The following EYS variants were observed in gnomAD, a reference collection of about 807,000 sequenced individuals.
The protein encoded by EYS is EGF-like photoreceptor maintenance factor.
Under a neutral mutation model 282.1 loss-of-function variants are expected in EYS, and 250 were observed. That is an observed-to-expected ratio of 0.89 (90% confidence interval 0.80 to 0.98). The LOEUF (loss-of-function observed/expected upper bound fraction) is 0.98, where lower values mean the gene tolerates loss of function less well. EYS is among the 50% of genes least tolerant of loss of function. The pLI is 0.00. For synonymous variants in EYS, 1,355 were observed against 1,282.9 expected (o/e 1.06, Z -1.20); for missense variants, 4,016 against 3,709.0 (o/e 1.08, Z -2.15).
At chr6:65,544,243 T>G (rs1397529319) in intron 2 of EYS, among the ~76,000 whole-genome samples, 1 of 152,182 alleles carries the variant, frequency 6.6e-6, no homozygotes, top group East Asian at 1.9e-4. Flanking sequence ...ACACGTGAAG[T>G]TCTTATTGAA....
rs114855364 is a variant in EYS at position 64,433,657 on chromosome 6, T to C, written c.5927+2517A>G. ...GTAAATTGAAACAAAATTATAGTCA[T>C]ATAACTTAAAAGAAAGTGATTTTTT... On this transcript the variant is annotated intron_variant, in intron 28 of 42. Transcript: ENST00000503581. 4.9e-3 allele frequency among the ~76,000 whole-genome samples: 751 copies of C among 152,162 alleles called. 5 individuals are homozygous for C. Among genetic ancestry groups the C allele is most frequent in the African/African-American group, 0.017 (697 of 41,542 alleles).
intron 10 of EYS, among the ~76,000 whole-genome samples, chr6:65,337,579 T>C (rs1048204595): frequency 2.0e-5 from 3 of 151,176 alleles, no homozygotes; most frequent in Admixed American, 1.3e-4. Context: ...ATATTGAACA[T>C]AACTTACTGT....
intron 12 of EYS, among the ~76,000 whole-genome samples, chr6:65,115,186 G>A (rs1775330267): frequency 6.6e-6 from 1 of 151,866 alleles, no homozygotes. Context: ...CATGAAATGT[G>A]GCTGAAAAGC....
At chr6:64,732,273 A>G (rs895998163) in intron 22 of EYS, among the ~76,000 whole-genome samples, 1 of 151,714 alleles carries the variant, frequency 6.6e-6, no homozygotes, top group East Asian at 1.9e-4. Flanking sequence ...ACAAACCTGC[A>G]TGTTCTGCAC....
At chr6:65,406,146 T>A (rs1183760387) in intron 5 of EYS, among the ~76,000 whole-genome samples, 1 of 152,120 alleles carries the variant, frequency 6.6e-6, no homozygotes, top group African/African-American at 2.4e-5. Context: ...CACTGAGGCT[T>A]AAATTTTCAT....
intron 28 of EYS, among the ~76,000 whole-genome samples, chr6:64,428,902 G>T (rs1750063663): frequency 6.6e-6 from 1 of 152,070 alleles, no homozygotes; most frequent in Non-Finnish European, 1.5e-5. Flanking sequence ...TAGCTTCCCA[G>T]TAATTCCACA....
At chr6:63,864,135 T>A in intron 36 of EYS, 51 bp downstream of exon 36, 1 of 1,400,862 alleles carries the variant, frequency 7.1e-7, no homozygotes, top group Non-Finnish European at 9.4e-7. Flanking sequence ...ATTTCTATCC[T>A]CTTCACCTCT....
At chr6:64,510,378 TG>T (rs538447452) in intron 26 of EYS, among the ~76,000 whole-genome samples, 19 of 152,136 alleles carry the variant, frequency 1.2e-4, no homozygotes, top group South Asian at 4.1e-4. Context: ...TATCGCACAT[TG>T]TTTTTTTAAT....
At chr6:65,273,143 A>T (rs911740164) in intron 12 of EYS, among the ~76,000 whole-genome samples, 2 of 152,178 alleles carry the variant, frequency 1.3e-5, no homozygotes, top group African/African-American at 4.8e-5. Context: ...GCTACTCCTA[A>T]TGGCACATAA....
intron 30 of EYS, among the ~76,000 whole-genome samples, chr6:64,280,724 T>G (rs1768276777): frequency 6.6e-6 from 1 of 152,102 alleles, no homozygotes. Context: ...TCTAATCAAA[T>G]AAAACAGCTA....
At chr6:64,312,732 G>A (rs763625018) in intron 29 of EYS, among the ~76,000 whole-genome samples, 9 of 152,170 alleles carry the variant, frequency 5.9e-5, no homozygotes, top group South Asian at 4.1e-4. Flanking sequence ...GTGATACCAA[G>A]GAAAACAGGA....
chr6:65,627,034 T>TC (rs1766726928), intron 2 of EYS, among the ~76,000 whole-genome samples: 2 of 152,242 alleles, frequency 1.3e-5, no homozygotes, highest in Admixed American at 1.3e-4. Flanking sequence ...TTTCTCTTTC[T>TC]TTCTCTCTTT....
At chr6:64,925,359 G>A (rs1022236775) in intron 15 of EYS, among the ~76,000 whole-genome samples, 5 of 152,126 alleles carry the variant, frequency 3.3e-5, no homozygotes, top group African/African-American at 1.2e-4. Flanking sequence ...AGATTTGGAT[G>A]GGGCACAACC....
intron 15 of EYS, among the ~76,000 whole-genome samples, chr6:64,942,827 C>CAAAAAAAAAAAAAAAAAAAAAAAAAAAAA (rs34826658): frequency 1.1e-5 from 1 of 94,306 alleles, no homozygotes; most frequent in African/African-American, 3.4e-5. Context: ...GTAACTCTTC[C>CAAAAAAAAAAAAAAAAAAAAAAAAAAAAA]AAAAAAAAAA....
chr6:64,416,455 T>C (rs1774059902), intron 28 of EYS, among the ~76,000 whole-genome samples: 1 of 152,028 alleles, frequency 6.6e-6, no homozygotes, highest in Admixed American at 6.6e-5. Flanking sequence ...AATTATTCCA[T>C]ATTTTAGTGT....
At chr6:63,755,276 C>T (rs533936538) in intron 41 of EYS, among the ~76,000 whole-genome samples, 1 of 151,172 alleles carries the variant, frequency 6.6e-6, no homozygotes, top group South Asian at 2.1e-4. Flanking sequence ...ATGCCTATAT[C>T]CTGTTTAATC....
chr6:64,260,927 G>A (rs1922979), intron 30 of EYS, among the ~76,000 whole-genome samples: 105,556 of 151,552 alleles, frequency 0.7, 36,786 homozygotes, highest in African/African-American at 0.72. Flanking sequence ...ATATATTTAT[G>A]GGGTACATGT....
chr6:65,325,303 C>A (rs1769588699), intron 11 of EYS, among the ~76,000 whole-genome samples: 1 of 152,090 alleles, frequency 6.6e-6, no homozygotes, highest in Non-Finnish European at 1.5e-5. Context: ...ATAGAGACAG[C>A]AAATCAATAA....
chr6:65,142,756 A>G (rs767125060), intron 12 of EYS, among the ~76,000 whole-genome samples: 1 of 151,944 alleles, frequency 6.6e-6, no homozygotes. Context: ...TGAATATTTC[A>G]GAATGTTGCC....
Sources: gnomAD v4.1 joint callset for allele counts (sites outside exome capture counted in the v4.1 genomes callset) on GRCh38, gnomAD v4.1.1 for gene constraint, MANE v1.5 for transcripts, NCBI Gene and HGNC (gene_info 2026-07-23, HGNC 2026-07-21) for gene names.